GRM7: variants seen among roughly 807,000 people sequenced by gnomAD.
GRM7 encodes the protein metabotropic glutamate receptor 7.
A neutral mutation model predicts 84.5 loss-of-function variants in GRM7; 35 were observed. That is an observed-to-expected ratio of 0.41 (90% CI 0.32 to 0.55). The LOEUF is 0.55. Among genes scored for constraint, GRM7 ranks in the 20% least tolerant of loss-of-function variants. The probability of loss-of-function intolerance (pLI) is 0.19; values close to 1 mark genes in which losing one functional copy is unlikely to be tolerated. For synonymous variants in GRM7, 487 were observed against 455.1 expected (o/e 1.07, Z -0.89); for missense variants, 1,003 against 1,194.6 (o/e 0.84, Z 2.36).
At chr3:7,130,600 A>G (rs1318030702) in intron 1 of GRM7, among the ~76,000 whole-genome samples, 1 of 151,740 alleles carries the variant, frequency 6.6e-6, no homozygotes, top group African/African-American at 2.4e-5. Context: ...GAGGATTAGT[A>G]GCTCTATCTC....
At chr3:7,714,431 C>T (rs999787703) in intron 9 of GRM7, among the ~76,000 whole-genome samples, 3 of 152,100 alleles carry the variant, frequency 2.0e-5, no homozygotes, top group African/African-American at 7.2e-5. Context: ...TTGACAAAGA[C>T]GTGAATTTCT....
chr3:7,500,198 A>T (rs1699840779), intron 7 of GRM7, among the ~76,000 whole-genome samples: 1 of 152,224 alleles, frequency 6.6e-6, no homozygotes, highest in Non-Finnish European at 1.5e-5. Context: ...AGCTCATAAA[A>T]GCTCTTGTCT....
Position 7,158,497 on chromosome 3 carries a change from C to G in GRM7, c.736+11829C>G, listed in dbSNP as rs548549568. Among the ~76,000 whole-genome samples the G allele has an allele frequency of 2.6e-5, 4 of 152,206 alleles. No homozygotes were observed. In the South Asian group the frequency reaches 8.3e-4, roughly 32 times the overall value. On this transcript the variant is annotated intron_variant, in intron 2 of 9. Coordinates refer to ENST00000357716, the MANE Select transcript of GRM7 (RefSeq NM_000844.4). The stretch of plus-strand genomic sequence containing the variant: ...TCCAGTATGTCCCCGTCTCCCCACC[C>G]TACTCCATGTAGTGTTCCTGCCATT...
intron 7 of GRM7, among the ~76,000 whole-genome samples, chr3:7,532,226 T>G (rs1701065403): frequency 6.6e-6 from 1 of 152,176 alleles, no homozygotes; most frequent in Non-Finnish European, 1.5e-5. Flanking sequence ...CTGGTAGAAT[T>G]AATTCGGCTG....
In GRM7 at chr3:6,862,964, C is replaced by T. The variant is rs1370131064; in HGVS notation, c.519+1057C>T. On this transcript the variant is annotated intron_variant, in intron 1 of 9. Coordinates refer to ENST00000357716, the MANE Select transcript of GRM7 (RefSeq NM_000844.4). The surrounding 1 kb of genome is among the most constrained non-coding windows in gnomAD (Gnocchi z 5.2). Reference sequence around the variant, plus strand: ...CCGCAGTGTTCTCTCGCCTCCTGCTCCAGCAGCCTCTGCCCCATGGCTCCT... The same window carrying T: ...CCGCAGTGTTCTCTCGCCTCCTGCTTCAGCAGCCTCTGCCCCATGGCTCCT... 1 of 456,052 alleles carries T rather than the reference C, an allele frequency of 2.2e-6. No homozygotes were observed. Among genetic ancestry groups the T allele is most frequent in the East Asian group, 7.0e-5 (1 of 14,306 alleles). 28.3% of individuals were successfully genotyped at this position (456,052 alleles called of 1,614,324 possible). A position where few individuals can be genotyped will look rare whatever the true frequency, so the allele number is the denominator to read the frequency against.
chr3:7,326,848 A>AC (rs1385213806), intron 4 of GRM7, among the ~76,000 whole-genome samples: 58 of 152,046 alleles, frequency 3.8e-4, no homozygotes, highest in African/African-American at 1.1e-3. Context: ...AAAAAAAAAA[A>AC]AGTTTATCCC....
intron 8 of GRM7, among the ~76,000 whole-genome samples, chr3:7,660,884 T>A (rs1055314745): frequency 1.3e-5 from 2 of 152,182 alleles, no homozygotes; most frequent in African/African-American, 4.8e-5. Flanking sequence ...AATAGCTTTT[T>A]CAACAAATGA....
Position 6,862,954 on chromosome 3 carries a change from G to A in GRM7, c.519+1047G>A, listed in dbSNP as rs1031181199. On this transcript the variant is annotated intron_variant, in intron 1 of 9. Transcript: ENST00000357716. The surrounding 1 kb of genome is among the most constrained non-coding windows in gnomAD (Gnocchi z 5.2). ...GTGGGTTCTGCCGCAGTGTTCTCTCGCCTCCTGCTCCAGCAGCCTCTGCCC... is the reference window on the plus strand; with the variant it reads ...GTGGGTTCTGCCGCAGTGTTCTCTCACCTCCTGCTCCAGCAGCCTCTGCCC... 2.2e-6 allele frequency: 1 copy of A among 455,376 alleles called. No individual in the cohort carries two copies. The highest frequency in any genetic ancestry group is 4.4e-6 in the Non-Finnish European group (1 of 226,408). The allele number at this position is 455,376 out of a possible 1,614,324, so 28.2% of individuals were successfully genotyped here.
At chr3:7,588,963 C>T (rs1451708554) in intron 8 of GRM7, among the ~76,000 whole-genome samples, 6 of 152,186 alleles carry the variant, frequency 3.9e-5, no homozygotes, top group Non-Finnish European at 7.3e-5. Context: ...CTAACAGACC[C>T]AAAGCCCTAG....
intron 7 of GRM7, among the ~76,000 whole-genome samples, chr3:7,468,258 C>T (rs1188349244): frequency 2.0e-5 from 3 of 152,208 alleles, no homozygotes; most frequent in Admixed American, 6.5e-5. Context: ...AGTACTTCTT[C>T]AGCTTCAACT....
At chr3:6,923,949 T>G (rs1389456316) in intron 1 of GRM7, among the ~76,000 whole-genome samples, 1 of 152,232 alleles carries the variant, frequency 6.6e-6, no homozygotes, top group Non-Finnish European at 1.5e-5. Flanking sequence ...ATGACAATAG[T>G]GTCAGTGGAG....
chr3:7,356,303 T>A lies in GRM7; in HGVS notation c.1033+49651T>A, dbSNP rs376464926. On this transcript the variant is annotated intron_variant, in intron 4 of 9. Transcript: ENST00000357716. Reference sequence around the variant, plus strand: ...GTGACATCAGCAGAGGAGGATTTTTTTTTTTTTATTTTTTTTGAGACAGAG... The same window carrying A: ...GTGACATCAGCAGAGGAGGATTTTTATTTTTTTATTTTTTTTGAGACAGAG... Among the ~76,000 whole-genome samples, 15 of 151,928 alleles carry A rather than the reference T, an allele frequency of 9.9e-5. No homozygotes were observed. The South Asian group carries it at 1.2e-3, about 13-fold the overall frequency.
At chr3:7,232,564 A>T (rs2124903237) in intron 2 of GRM7, among the ~76,000 whole-genome samples, 1 of 152,288 alleles carries the variant, frequency 6.6e-6, no homozygotes, top group East Asian at 1.9e-4. Flanking sequence ...TATGATAAGG[A>T]TGCAAGTCAA....
intron 1 of GRM7, among the ~76,000 whole-genome samples, chr3:7,123,551 G>A (rs973303098): frequency 6.6e-6 from 1 of 152,010 alleles, no homozygotes; most frequent in African/African-American, 2.4e-5. Context: ...CCCAGGAGGC[G>A]GAGGTTGCAG....
chr3:6,906,062 A>G (rs1277476584), intron 1 of GRM7, among the ~76,000 whole-genome samples: 2 of 152,196 alleles, frequency 1.3e-5, no homozygotes, highest in East Asian at 3.8e-4. Context: ...GGTGGGTTCA[A>G]CTGGGAACAT....
intron 7 of GRM7, among the ~76,000 whole-genome samples, chr3:7,558,943 C>T (rs1007434627): frequency 2.0e-5 from 3 of 152,044 alleles, no homozygotes; most frequent in Admixed American, 2.0e-4. Context: ...AAAGCATAAC[C>T]AGCAAAGTGG....
intron 9 of GRM7, among the ~76,000 whole-genome samples, chr3:7,700,522 T>C (rs1575649112): frequency 6.6e-6 from 1 of 152,222 alleles, no homozygotes; most frequent in Non-Finnish European, 1.5e-5. Context: ...GCTTGACAGT[T>C]TGTCTTTGAA....
chr3:6,890,501 T>C (rs1235089971), intron 1 of GRM7, among the ~76,000 whole-genome samples: 1 of 152,202 alleles, frequency 6.6e-6, no homozygotes, highest in Non-Finnish European at 1.5e-5. Flanking sequence ...CCAGTAGTCA[T>C]TTAGTAGCAG....
chr3:7,062,292 A>G lies in GRM7; in HGVS notation c.520-84160A>G, dbSNP rs893638860. On this transcript the variant is annotated intron_variant, in intron 1 of 9. Transcript: ENST00000357716. ...TAAAGCATTACACTGAGGATTTTGT[A>G]TCTGTTCAAAGAACATGAAGGAGAC... is the stretch of plus-strand genomic sequence containing the variant. Among the ~76,000 whole-genome samples, 3 of 151,654 alleles carry G rather than the reference A, an allele frequency of 2.0e-5. No individual in the cohort carries two copies. The Admixed American group carries it at 2.0e-4, about 10-fold the overall frequency.
Sources: allele counts gnomAD v4.1 joint callset (sites outside exome capture counted in the v4.1 genomes callset), GRCh38; gene constraint gnomAD v4.1.1; non-coding constraint Gnocchi (gnomAD v3.1); transcripts MANE v1.5; gene names NCBI Gene and HGNC (gene_info 2026-07-23, HGNC 2026-07-21).